Variants in ATP10B observed in about 807,000 individuals in gnomAD.
ATP10B encodes the protein phospholipid-transporting ATPase VB.
A neutral mutation model predicts 141.2 loss-of-function variants in ATP10B; 122 were observed. The ratio of observed to expected loss-of-function variants is 0.86; its 90% CI spans 0.75 to 1.00. The LOEUF (loss-of-function observed/expected upper bound fraction) is 1.00. ATP10B is among the 50% of genes least tolerant of loss of function. The probability of loss-of-function intolerance (pLI) is 0.00; values close to 1 mark genes in which losing one functional copy is unlikely to be tolerated. For missense variants in ATP10B, 1,876 were observed against 1,825.3 expected (o/e 1.03, Z -0.51); for synonymous variants, 685 against 692.0 (o/e 0.99, Z 0.16).
chr5:160,594,013 A>G (rs1038396601), intron 22 of ATP10B, among the ~76,000 whole-genome samples: 6 of 152,342 alleles, frequency 3.9e-5, no homozygotes, highest in African/African-American at 1.4e-4. Context: ...GCAGGTCAAC[A>G]TTCAGATTCA....
At chr5:160,598,127 G>A (rs1405324036) in intron 22 of ATP10B, among the ~76,000 whole-genome samples, 1 of 149,834 alleles carries the variant, frequency 6.7e-6, no homozygotes, top group Non-Finnish European at 1.5e-5. Flanking sequence ...GCAAAGACTT[G>A]GAACCAACCC....
At chr5:160,578,136 CT>C (rs1243347089) in intron 24 of ATP10B, among the ~76,000 whole-genome samples, 2 of 151,998 alleles carry the variant, frequency 1.3e-5, no homozygotes, top group African/African-American at 4.8e-5. Flanking sequence ...AGTTAAACAT[CT>C]CATTTTGCAT....
rs1763950195 is a variant in ATP10B at position 160,689,498 on chromosome 5, T to C, written c.-204-555A>G. Among the ~76,000 whole-genome samples, 3 of 152,200 alleles carry C rather than the reference T, an allele frequency of 2.0e-5. No individual in the cohort carries two copies. In the South Asian group the frequency reaches 6.2e-4, roughly 32 times the overall value. On this transcript the variant is annotated intron_variant, in intron 3 of 25. Transcript: ENST00000327245. ...AACCCCATATTCTCAGCCCCAAATC[T>C]CCCTAAGCTGATAAGCAACTTCAGC...
At chr5:160,775,196 C>G (rs921036544) in intron 2 of ATP10B, among the ~76,000 whole-genome samples, 2 of 152,240 alleles carry the variant, frequency 1.3e-5, no homozygotes, top group African/African-American at 2.4e-5. Flanking sequence ...CCATGCCTGT[C>G]TGCACGCAGC....
chr5:160,656,248 T>A (rs1360549631), intron 7 of ATP10B, among the ~76,000 whole-genome samples: 1 of 152,252 alleles, frequency 6.6e-6, no homozygotes, highest in African/African-American at 2.4e-5. Flanking sequence ...TCTGTAAACT[T>A]CTGGCTTTCT....
intron 2 of ATP10B, among the ~76,000 whole-genome samples, chr5:160,755,827 A>G (rs868469902): frequency 3.6e-4 from 23 of 63,646 alleles, no homozygotes; most frequent in African/African-American, 1.8e-3. Flanking sequence ...AAAAAAAAAA[A>G]AAAAAAAAAA....
chr5:160,881,247 C>T, the ATP10B span, among the ~76,000 whole-genome samples: 10 of 152,224 alleles, frequency 6.6e-5, no homozygotes, highest in East Asian at 1.9e-4. Flanking sequence ...CAGGATACCA[C>T]GACACACCTA....
At chr5:160,781,034 G>A (rs1770680782) in intron 2 of ATP10B, among the ~76,000 whole-genome samples, 1 of 152,260 alleles carries the variant, frequency 6.6e-6, no homozygotes, top group East Asian at 1.9e-4. Context: ...TCTTTGCCCA[G>A]TACAATAATA....
At chr5:160,751,703 C>A (rs1007068037) in intron 2 of ATP10B, among the ~76,000 whole-genome samples, 2 of 152,084 alleles carry the variant, frequency 1.3e-5, no homozygotes, top group African/African-American at 4.8e-5. Flanking sequence ...CACTCTGGAA[C>A]TTCATGAAAG....
intron 24 of ATP10B, among the ~76,000 whole-genome samples, chr5:160,578,956 T>C: frequency 6.6e-6 from 1 of 152,248 alleles, no homozygotes; most frequent in East Asian, 1.9e-4. Context: ...TTTTTTCATA[T>C]GTTTGTTGGC....
At chr5:160,661,251 C>T (rs1043515805) in intron 7 of ATP10B, among the ~76,000 whole-genome samples, 3 of 151,666 alleles carry the variant, frequency 2.0e-5, no homozygotes, top group East Asian at 1.9e-4. Context: ...GACAAACAAC[C>T]TGGTTTATTA....
At chr5:160,821,684 A>G (rs1389189098) in intron 1 of ATP10B, among the ~76,000 whole-genome samples, 1 of 152,132 alleles carries the variant, frequency 6.6e-6, no homozygotes, top group Non-Finnish European at 1.5e-5. Flanking sequence ...AGCAGAATAG[A>G]GAGCCCAGAG....
At chr5:160,832,747 C>CAG (rs367958884) in intron 1 of ATP10B, among the ~76,000 whole-genome samples, 4 of 152,026 alleles carry the variant, frequency 2.6e-5, no homozygotes, top group Admixed American at 2.0e-4. Flanking sequence ...ATATGATAAA[C>CAG]AGAGAGAGAG....
intron 22 of ATP10B, 120 bp downstream of exon 22, chr5:160,598,650 A>G (rs1756897637): frequency 1.2e-6 from 1 of 845,796 alleles, no homozygotes; most frequent in Admixed American, 2.3e-5. Context: ...ATGATGGAAC[A>G]GTGGTCAGAA....
intron 1 of ATP10B, among the ~76,000 whole-genome samples, chr5:160,839,978 TAAG>T (rs926634493): frequency 2.6e-5 from 4 of 151,966 alleles, no homozygotes; most frequent in Non-Finnish European, 5.9e-5. Flanking sequence ...AAATATATAA[TAAG>T]AAAATTTTAT....
rs58890049 is a variant in ATP10B at position 160,766,337 on chromosome 5, AACACACACACACACAC to A, written c.-331+19206_-331+19221del. Among the ~76,000 whole-genome samples, 717 of 140,400 alleles carry A rather than the reference AACACACACACACACAC, an allele frequency of 5.1e-3. 3 individuals are homozygous for A. The highest frequency in any genetic ancestry group is 7.5e-3 in the Middle Eastern group (2 of 266). 92.1% of individuals were successfully genotyped at this position (140,400 alleles called of 152,430 possible). ...CACCAATCAATGAGTGGATAAAGAG[AACACACACACACACAC>A]ACACACACACACACACACACACACA... On this transcript the variant is annotated intron_variant, in intron 2 of 25. Coordinates refer to ENST00000327245, the MANE Select transcript of ATP10B (RefSeq NM_025153.3).
the ATP10B span, among the ~76,000 whole-genome samples, chr5:160,920,713 G>A: frequency 2.0e-5 from 3 of 152,190 alleles, no homozygotes; most frequent in Non-Finnish European, 4.4e-5. Context: ...GTTAGTCCCC[G>A]CTGCAGTGCT....
chr5:160,588,623 C>CTTCTATCTTAA (rs1251036587), intron 24 of ATP10B, among the ~76,000 whole-genome samples: 2 of 152,140 alleles, frequency 1.3e-5, no homozygotes, highest in Non-Finnish European at 2.9e-5. Context: ...TCAAAACTTG[C>CTTCTATCTTAA]TTCTATCTTA....
At chr5:160,833,552 G>C (rs1336106817) in intron 1 of ATP10B, among the ~76,000 whole-genome samples, 1 of 152,142 alleles carries the variant, frequency 6.6e-6, no homozygotes, top group African/African-American at 2.4e-5. Flanking sequence ...CAAAAATTAT[G>C]AGACAGGCAA....
Sources: gnomAD v4.1 joint callset for allele counts (sites outside exome capture counted in the v4.1 genomes callset) on GRCh38, gnomAD v4.1.1 for gene constraint, MANE v1.5 for transcripts, NCBI Gene and HGNC (gene_info 2026-07-23, HGNC 2026-07-21) for gene names.